The following BLTP2 variants were observed in gnomAD, a reference collection of about 807,000 sequenced individuals.
BLTP2 encodes the protein U937-associated antigen.
the BLTP2 span, among the ~76,000 whole-genome samples, chr17:28,622,269 C>T: frequency 2.8e-4 from 43 of 152,336 alleles, no homozygotes; most frequent in Middle Eastern, 3.4e-3. Context: ...GAATGAACCA[C>T]AGCTCTTATA....
chr17:28,627,633 T>C, the BLTP2 span, among the ~76,000 whole-genome samples: 3 of 152,102 alleles, frequency 2.0e-5, no homozygotes, highest in Non-Finnish European at 4.4e-5. Flanking sequence ...AGTCTCGATC[T>C]CCTGACCCAC....
the BLTP2 span, chr17:28,633,507 C>T: frequency 4.7e-5 from 75 of 1,604,554 alleles, no homozygotes; most frequent in Non-Finnish European, 6.3e-5. Context: ...AGACCTCAAC[C>T]ATACCATCCT....
the BLTP2 span, chr17:28,620,467 T>C: frequency 1.9e-6 from 3 of 1,609,406 alleles, no homozygotes; most frequent in South Asian, 3.3e-5. Flanking sequence ...GTCTGGGTGT[T>C]CCTGTGAGGC....
chr17:28,619,059 G>GT, the BLTP2 span: 26 of 1,037,468 alleles, frequency 2.5e-5, no homozygotes, highest in Non-Finnish European at 3.5e-5. Context: ...GATGCAGGAG[G>GT]TAAACCCAGA....
chr17:28,636,773 T>TCA, the BLTP2 span, among the ~76,000 whole-genome samples: 1 of 151,944 alleles, frequency 6.6e-6, no homozygotes, highest in Non-Finnish European at 1.5e-5. Flanking sequence ...GCGTGGTGGC[T>TCA]CACACCTGTA....
At chr17:28,616,003 C>A in the BLTP2 span, 5 of 1,139,638 alleles carry the variant, frequency 4.4e-6, no homozygotes, top group South Asian at 1.3e-5. The surrounding 1 kb of genome is among the most constrained non-coding windows in gnomAD (Gnocchi z 4.8). Flanking sequence ...AGCTCAGCAT[C>A]ACAAACAACC....
At chr17:28,635,679 G>A in the BLTP2 span, 4 of 1,475,514 alleles carry the variant, frequency 2.7e-6, no homozygotes, top group Middle Eastern at 4.4e-4. Context: ...CAAGGATTAT[G>A]ACACATGCAC....
chr17:28,615,276 T>G, the BLTP2 span: 1 of 1,554,706 alleles, frequency 6.4e-7, no homozygotes. Context: ...TAAAAGAAAA[T>G]GTAAATATTA....
chr17:28,639,240 A>T, the BLTP2 span: 1 of 1,468,928 alleles, frequency 6.8e-7, no homozygotes, highest in Non-Finnish European at 9.5e-7. Flanking sequence ...TATTTAACAC[A>T]GGATGCCAAT....
the BLTP2 span, chr17:28,621,002 A>G: frequency 6.2e-7 from 1 of 1,613,996 alleles, no homozygotes; most frequent in Non-Finnish European, 8.5e-7. Flanking sequence ...CTGCTTCTTT[A>G]GGAGATCTTC....
At chr17:28,643,709 C>G in the BLTP2 span, 10 of 1,542,766 alleles carry the variant, frequency 6.5e-6, no homozygotes, top group Non-Finnish European at 8.1e-6. Context: ...AAATAAGCCA[C>G]GAGCAGCTTG....
At chr17:28,631,906 G>A in the BLTP2 span, 1 of 1,614,006 alleles carries the variant, frequency 6.2e-7, no homozygotes, top group Non-Finnish European at 8.5e-7. Context: ...GGCAAATGAG[G>A]CCCAATAATG....
At chr17:28,615,962 G>C in the BLTP2 span, 1 of 1,005,776 alleles carries the variant, frequency 9.9e-7, no homozygotes, top group South Asian at 1.5e-5. Flanking sequence ...CTCTTGAGGG[G>C]AGCAGAGGGA....
chr17:28,635,413 G>A, the BLTP2 span: 13,855 of 1,614,174 alleles, frequency 8.6e-3, 83 homozygotes, highest in Non-Finnish European at 9.9e-3. Context: ...CAGCCGCTTT[G>A]GGGGTAATGG....
the BLTP2 span, chr17:28,621,020 T>C: frequency 3.1e-6 from 5 of 1,614,246 alleles, no homozygotes; most frequent in Admixed American, 1.7e-5. Flanking sequence ...TTCCTTTTCC[T>C]GGTTCTCAAG....
At chr17:28,616,741 GCAC>G in the BLTP2 span, 2 of 1,614,166 alleles carry the variant, frequency 1.2e-6, no homozygotes, top group Non-Finnish European at 1.7e-6. This position sits in a 1 kb window ranked among gnomAD's most constrained non-coding sequence, Gnocchi z 4.8. Context: ...ATGGTGAGAG[GCAC>G]CACATTTACC....
the BLTP2 span, among the ~76,000 whole-genome samples, chr17:28,625,120 G>A: frequency 1.5e-4 from 23 of 151,978 alleles, no homozygotes; most frequent in Admixed American, 1.2e-3. Flanking sequence ...GGCAGATCAC[G>A]AGGTCAGGAT....
the BLTP2 span, chr17:28,635,559 C>G: frequency 1.2e-6 from 2 of 1,614,088 alleles, no homozygotes; most frequent in Middle Eastern, 1.7e-4. Flanking sequence ...GGTACAGGTA[C>G]ATGTGATCTG....
At chr17:28,623,969 A>G in the BLTP2 span, 2 of 1,613,076 alleles carry the variant, frequency 1.2e-6, no homozygotes, top group Admixed American at 1.7e-5. Context: ...AGAACCATCT[A>G]TGCCAGAGAT....
Sources: gnomAD v4.1 joint callset for allele counts (sites outside exome capture counted in the v4.1 genomes callset) on GRCh38, gnomAD v4.1.1 for gene constraint, Gnocchi (gnomAD v3.1) non-coding constraint, MANE v1.5 for transcripts, NCBI Gene and HGNC (gene_info 2026-07-23, HGNC 2026-07-21) for gene names.